Variants in SLC26A8 observed in about 807,000 individuals in gnomAD.
The protein encoded by SLC26A8 is solute carrier family 26 member 8.
In SLC26A8, 70 loss-of-function variants were observed where a neutral mutation model predicts 105.0. The ratio of observed to expected loss-of-function variants is 0.67; its 90% CI spans 0.55 to 0.81. The LOEUF (loss-of-function observed/expected upper bound fraction) is 0.81, where lower values mean the gene tolerates loss of function less well. SLC26A8 is among the 40% of genes least tolerant of loss of function. The pLI is 0.00. For missense variants in SLC26A8, 998 were observed against 1,181.8 expected (o/e 0.84, Z 2.28); for synonymous variants, 415 against 438.3 (o/e 0.95, Z 0.66).
chr6:36,013,432 C>T (rs1174716405), intron 2 of SLC26A8, among the ~76,000 whole-genome samples: 2 of 152,072 alleles, frequency 1.3e-5, no homozygotes, highest in African/African-American at 2.4e-5. Context: ...CTGCTCGCCT[C>T]GGCCTCCCAA....
At chr6:36,001,208 G>T (rs1403617177) in intron 3 of SLC26A8, among the ~76,000 whole-genome samples, 1 of 151,642 alleles carries the variant, frequency 6.6e-6, no homozygotes, top group Non-Finnish European at 1.5e-5. Context: ...GGCTCCCCGC[G>T]AGCTCCACCT....
chr6:36,020,590 G>A (rs985236856), intron 1 of SLC26A8, among the ~76,000 whole-genome samples: 6 of 152,084 alleles, frequency 3.9e-5, no homozygotes, highest in Non-Finnish European at 8.8e-5. Flanking sequence ...CTGTACTCCA[G>A]CCTGGGTGTC....
chr6:35,975,592 T>C, intron 9 of SLC26A8, 104 bp from the exon 10 acceptor site: 1 of 621,090 alleles, frequency 1.6e-6, no homozygotes, highest in East Asian at 2.7e-5. Context: ...GATAGGGTTG[T>C]TTGCATCACT....
intron 19 of SLC26A8, among the ~76,000 whole-genome samples, 188 bp from the exon 20 acceptor site, chr6:35,944,528 A>AATTATTATATAATAATAATAATTATT (rs1562011384): frequency 1.4e-5 from 2 of 144,574 alleles, no homozygotes; most frequent in Non-Finnish European, 1.5e-5. Flanking sequence ...TAATAATTAT[A>AATTATTATATAATAATAATAATTATT]ATTATTATAT....
Position 35,946,318 on chromosome 6 carries a change from C to G in SLC26A8, c.2473-1978G>C, listed in dbSNP as rs1581618395. On this transcript the variant is annotated intron_variant, in intron 19 of 19. Coordinates refer to ENST00000490799, the MANE Select transcript of SLC26A8 (RefSeq NM_052961.4). ...GTGGCATGATCTTGGCTCACTGCAA[C>G]TTCCGCCTCCCAGGTTCAAGTGATT... 5.3e-5 allele frequency among the ~76,000 whole-genome samples: 8 copies of G among 152,344 alleles called. No homozygotes were observed. The South Asian group carries it at 1.7e-3, about 32-fold the overall frequency.
chr6:35,984,328 T>A (rs1171544892), intron 7 of SLC26A8, among the ~76,000 whole-genome samples: 19 of 146,454 alleles, frequency 1.3e-4, no homozygotes, highest in African/African-American at 4.5e-4. Flanking sequence ...TATTTTTTTT[T>A]TTTTTTTTTT....
chr6:35,997,829 T>A lies in SLC26A8; in HGVS notation c.536A>T (p.Lys179Met). The change falls in exon 5 of 20, where the codon AAG (lysine) becomes ATG (methionine). Residue 179 changes from lysine (K) to methionine (M), a missense_variant. Physicochemically the swap from Lys to Met is moderately conservative, Grantham distance 95. Transcript: ENST00000490799. ...GTAGGAGGGGGCCGAAAACTCATTC[T>A]TGACGAAAGATCCCATGACCAGTTG... ...NGQLVMGSFV[K>M]NEFSAPSYLM... 6.2e-7 allele frequency: 1 copy of A among 1,614,188 alleles called. No individual in the cohort carries two copies. Among genetic ancestry groups the A allele is most frequent in the Non-Finnish European group, 8.5e-7 (1 of 1,180,034 alleles).
rs57884642 is a variant in SLC26A8 at position 35,978,085 on chromosome 6, C to CAA, written c.1026-736_1026-735dup. On this transcript the variant is annotated intron_variant, in intron 8 of 19. Transcript: ENST00000490799. The stretch of plus-strand genomic sequence containing the variant: ...TGGGTGATAGAGTGAGACTCAGTCT[C>CAA]AAAAAAAAAAAAAAATTCAATATAC... 5.9e-3 allele frequency among the ~76,000 whole-genome samples: 568 copies of CAA among 95,584 alleles called. 2 individuals carry two copies. The highest frequency in any genetic ancestry group is 8.4e-3 in the Non-Finnish European group (386 of 45,688). The allele number at this position is 95,584 out of a possible 152,430, so 62.7% of individuals were successfully genotyped here.
At chr6:36,012,873 G>A (rs568141873) in intron 2 of SLC26A8, among the ~76,000 whole-genome samples, 24 of 152,304 alleles carry the variant, frequency 1.6e-4, no homozygotes, top group Middle Eastern at 3.4e-3. Flanking sequence ...ATAGGTGGAA[G>A]GGCAGTTAAC....
chr6:36,019,794 T>C (rs895337451), intron 1 of SLC26A8, 85 bp from the exon 2 acceptor site: 46 of 1,294,608 alleles, frequency 3.6e-5, no homozygotes, highest in Non-Finnish European at 4.3e-5. Context: ...AAAATTCCTA[T>C]ATAATAATGT....
chr6:35,947,356 A>G (rs1581619366), intron 19 of SLC26A8, among the ~76,000 whole-genome samples: 2 of 152,296 alleles, frequency 1.3e-5, no homozygotes, highest in Middle Eastern at 6.8e-3. Context: ...AGAGACACAC[A>G]GGATCCTTCT....
At chr6:35,976,503 C>A (rs1396786658) in intron 9 of SLC26A8, among the ~76,000 whole-genome samples, 1 of 147,626 alleles carries the variant, frequency 6.8e-6, no homozygotes, top group African/African-American at 2.5e-5. Flanking sequence ...GGCTAAAAGA[C>A]AAAAACTATT....
At chr6:35,944,571 G>T (rs1014788827) in intron 19 of SLC26A8, among the ~76,000 whole-genome samples, 2 of 149,766 alleles carry the variant, frequency 1.3e-5, no homozygotes, top group African/African-American at 2.4e-5. Flanking sequence ...TTAAAAACTA[G>T]TTGGGCATGA....
chr6:35,967,571 C>T (rs180716799), intron 11 of SLC26A8, among the ~76,000 whole-genome samples: 223 of 152,278 alleles, frequency 1.5e-3, no homozygotes, highest in Non-Finnish European at 2.5e-3. Flanking sequence ...TGGCTGAATA[C>T]TGAGTTAAGA....
At chr6:36,009,241 C>G (rs1289650586) in intron 3 of SLC26A8, among the ~76,000 whole-genome samples, 3 of 152,118 alleles carry the variant, frequency 2.0e-5, no homozygotes, top group Non-Finnish European at 4.4e-5. Context: ...ATCCCAGCTA[C>G]TCAGGAGGCT....
At position 36,012,156 on chromosome 6, in the gene SLC26A8, A is replaced by G. The variant is rs886996675; in HGVS notation, c.328+77T>C. The G allele has an allele frequency of 2.0e-6, 3 of 1,534,220 alleles. No individual in the cohort carries two copies. The African/African-American group carries it at 4.2e-5, about 22-fold the overall frequency. On this transcript the variant is annotated intron_variant, in intron 3 of 19. Coordinates refer to ENST00000490799, the MANE Select transcript of SLC26A8 (RefSeq NM_052961.4). ...ATTTTTTTTCTATTCATGTAGCACAAGTAATTGTTTACCCTGGGCACGTGG... is the reference window on the plus strand; with the variant it reads ...ATTTTTTTTCTATTCATGTAGCACAGGTAATTGTTTACCCTGGGCACGTGG...
chr6:35,991,512 T>G, intron 7 of SLC26A8, 147 bp downstream of exon 7: 1 of 568,566 alleles, frequency 1.8e-6, no homozygotes, highest in Non-Finnish European at 2.7e-6. Context: ...ATTAAAATAT[T>G]TTAGAAAAAG....
At position 35,993,188 on chromosome 6, in the gene SLC26A8, G is replaced by GGT. The variant is rs1562054834; in HGVS notation, c.628-515_628-514insAC. 3.6e-4 allele frequency among the ~76,000 whole-genome samples: 36 copies of GGT among 100,674 alleles called. 2 individuals carry two copies. The highest frequency in any genetic ancestry group is 6.9e-4 in the Admixed American group (6 of 8,696). 66.0% of individuals were successfully genotyped at this position (100,674 alleles called of 152,430 possible). On this transcript the variant is annotated intron_variant, in intron 5 of 19. Transcript: ENST00000490799. ...TTTTTTTTTTTTTTGATAGAGATTG[G>GGT]AGGGGGGGGTCTTGCTATATTACCT...
chr6:35,978,230 T>C (rs369432224), intron 8 of SLC26A8, among the ~76,000 whole-genome samples: 44 of 148,752 alleles, frequency 3.0e-4, no homozygotes, highest in East Asian at 9.7e-4. Context: ...AAAGTCAATA[T>C]ATAAAAGGAT....
Sources: gnomAD v4.1 joint callset for allele counts (sites outside exome capture counted in the v4.1 genomes callset) on GRCh38, gnomAD v4.1.1 for gene constraint, MANE v1.5 for transcripts, NCBI Gene and HGNC (gene_info 2026-07-23, HGNC 2026-07-21) for gene names.